The following OTOG variants were observed in gnomAD, a reference collection of about 807,000 sequenced individuals.
OTOG encodes otogelin.
A neutral mutation model predicts 313.8 loss-of-function variants in OTOG; 296 were observed. The ratio of observed to expected loss-of-function variants is 0.94; its 90% CI spans 0.86 to 1.04. OTOG has a LOEUF of 1.04. Among genes scored for constraint, OTOG ranks in the 50% least tolerant of loss-of-function variants. The pLI is 0.00. For missense variants in OTOG, 3,948 were observed against 3,840.1 expected, an observed-to-expected ratio of 1.03 and a Z score of -0.74; for synonymous variants, 1,533 against 1,554.9, an observed-to-expected ratio of 0.99 and a Z score of 0.33.
At chr11:17,565,176 A>G (rs556952925) in intron 15 of OTOG, among the ~76,000 whole-genome samples, 2 of 152,320 alleles carry the variant, frequency 1.3e-5, no homozygotes, top group Non-Finnish European at 2.9e-5. Context: ...ACATATAGTC[A>G]TCATGTCTCC....
intron 33 of OTOG, among the ~76,000 whole-genome samples, chr11:17,606,990 G>A (rs1853405825): frequency 1.3e-5 from 2 of 152,230 alleles, no homozygotes; most frequent in African/African-American, 4.8e-5. Context: ...AGGGCAGAGT[G>A]GCATGAGCCC....
At chr11:17,552,550 C>CT in intron 4 of OTOG, among the ~76,000 whole-genome samples, 1 of 151,470 alleles carries the variant, frequency 6.6e-6, no homozygotes, top group Admixed American at 6.6e-5. Flanking sequence ...TCCTGTGTCC[C>CT]CCACCTGTCC....
In OTOG at chr11:17,634,125, C is replaced by G. The variant is rs573071858; in HGVS notation, c.7324C>G (p.Leu2442Val). Residue 2442 changes from leucine (L) to valine (V), a missense_variant, in exon 44 of 56, where the codon CTC (leucine) becomes GTC (valine). Physicochemically the swap from Leu to Val is conservative, Grantham distance 32. Coordinates refer to ENST00000399397, the MANE Select transcript of OTOG (RefSeq NM_001292063.2). The part of the protein sequence containing the change: ...RALGETWNSS[L>V]SGCCQHQCQA... ...CCTGGGGGAGACCTGGAACAGCTCC[C>G]TCAGCGGCTGCTGCCAGCACCAGTG... The G allele has an allele frequency of 1.1e-4, 167 of 1,549,202 alleles. No homozygotes were observed. In the African/African-American group the frequency reaches 2.1e-3, roughly 19 times the overall value.
At chr11:17,589,034 G>A (rs763764129) in intron 24 of OTOG, among the ~76,000 whole-genome samples, 35 of 152,050 alleles carry the variant, frequency 2.3e-4, no homozygotes, top group Non-Finnish European at 5.1e-4. Flanking sequence ...ACTTCCTTGA[G>A]TTTAGCCCCA....
chr11:17,607,604 C>A (rs1853420510), intron 33 of OTOG, among the ~76,000 whole-genome samples: 1 of 152,220 alleles, frequency 6.6e-6, no homozygotes, highest in African/African-American at 2.4e-5. Flanking sequence ...TTGGGTAGCG[C>A]CCAGTGCTGT....
At chr11:17,597,830 C>T (rs1057492523) in intron 30 of OTOG, among the ~76,000 whole-genome samples, 4 of 152,208 alleles carry the variant, frequency 2.6e-5, no homozygotes, top group Non-Finnish European at 5.9e-5. Flanking sequence ...GTCAGACTGA[C>T]TGAGTTTGGC....
Position 17,625,631 on chromosome 11 carries a change from A to C in OTOG, c.6529-3502A>C, listed in dbSNP as rs530369618. ...AATGTCTATTTCAAATTTTTTGTGC[A>C]TTTTTAAATCAGATTATTAGATTTT... On this transcript the variant is annotated intron_variant, in intron 39 of 55. Transcript: ENST00000399397. Among the ~76,000 whole-genome samples, 110 of 152,218 alleles carry C rather than the reference A, an allele frequency of 7.2e-4. 2 individuals carry two copies. Among genetic ancestry groups the C allele is most frequent in the African/African-American group, 2.4e-3 (100 of 41,546 alleles).
intron 12 of OTOG, among the ~76,000 whole-genome samples, chr11:17,560,480 G>A (rs1424777448): frequency 1.3e-5 from 2 of 152,202 alleles, no homozygotes; most frequent in East Asian, 1.9e-4. Context: ...GCAGGTTGGG[G>A]ATGGGGTTGT....
Position 17,560,775 on chromosome 11 carries a change from T to A in OTOG, c.1409T>A (p.Leu470Gln). The A allele has an allele frequency of 6.4e-7, 1 of 1,550,806 alleles. No homozygotes were observed. The highest frequency in any genetic ancestry group is 8.7e-7 in the Non-Finnish European group (1 of 1,147,022). ...AECPCEFHGT[L>Q]YPPGSVVKED... ...TGTCCCTGTGAGTTTCACGGGACTC[T>A]GTACCCACCTGGCTCTGTGGTGAAG... Residue 470 changes from leucine to glutamine, a missense_variant, in exon 13 of 56, where the codon CTG (leucine) becomes CAG (glutamine). Coordinates refer to ENST00000399397, the MANE Select transcript of OTOG (RefSeq NM_001292063.2).
intron 32 of OTOG, among the ~76,000 whole-genome samples, chr11:17,604,247 A>C (rs1440835769): frequency 6.6e-6 from 1 of 152,252 alleles, no homozygotes; most frequent in Admixed American, 6.5e-5. Context: ...CGGACTCTGC[A>C]TCTCAAGGTC....
chr11:17,622,024 T>C (rs569433893), intron 39 of OTOG, among the ~76,000 whole-genome samples: 14 of 152,278 alleles, frequency 9.2e-5, no homozygotes, highest in South Asian at 6.2e-4. Flanking sequence ...TTCAGGTATG[T>C]ATGTTTACTC....
chr11:17,577,802 TA>T (rs143426360), intron 22 of OTOG, among the ~76,000 whole-genome samples: 1 of 152,148 alleles, frequency 6.6e-6, no homozygotes, highest in African/African-American at 2.4e-5. Context: ...TTAATTTTCC[TA>T]AAAAAGATCA....
chr11:17,576,785 A>C (rs1421995301), intron 21 of OTOG, 83 bp from the exon 22 acceptor site: 68 of 1,512,308 alleles, frequency 4.5e-5, no homozygotes, highest in Admixed American at 9.9e-5. Flanking sequence ...TGAACTCTGC[A>C]GTGACCCGAG....
Position 17,621,727 on chromosome 11 carries a change from C to G in OTOG, c.6529-7406C>G, listed in dbSNP as rs984729066. On this transcript the variant is annotated intron_variant, in intron 39 of 55. Transcript: ENST00000399397. The stretch of plus-strand genomic sequence containing the variant: ...TGGGTTCCTGCTCCCTGCACTGCAG[C>G]CCCTAAACTCTCTAAGTAATAACCT... Among the ~76,000 whole-genome samples the G allele has an allele frequency of 5.3e-5, 8 of 152,194 alleles. 1 individual carries two copies. The highest frequency in any genetic ancestry group is 1.3e-4 in the Admixed American group (2 of 15,280).
chr11:17,604,860 G>A (rs900799761), intron 32 of OTOG, among the ~76,000 whole-genome samples: 1 of 152,260 alleles, frequency 6.6e-6, no homozygotes, highest in Admixed American at 6.5e-5. Flanking sequence ...AGCGAGTCAT[G>A]TGTAAACAGC....
At chr11:17,578,220 C>A (rs1463136967) in intron 22 of OTOG, 153 bp from the exon 23 acceptor site, 10 of 1,382,838 alleles carry the variant, frequency 7.2e-6, no homozygotes, top group Non-Finnish European at 9.3e-6. Flanking sequence ...CTCTGTGAGG[C>A]GTATCTGGGA....
At position 17,645,845 on chromosome 11, in the gene OTOG, C is replaced by A; in HGVS notation, c.8643C>A (p.Gly2881=). 6.4e-7 allele frequency: 1 copy of A among 1,550,938 alleles called. No individual in the cohort carries two copies. The highest frequency in any genetic ancestry group is 2.4e-5 in the East Asian group (1 of 40,916). ...TCTGCAAGTGCTGCCGTGAGGTGGG[C>A]CTGCAGCGGCGCTCTGTGCAGCTCT... is the stretch of plus-strand genomic sequence containing the variant. ...ARFCKCCREV[G]LQRRSVQLFC... is the part of the protein sequence containing the mutation. The change falls in exon 56 of 56, where the codon GGC becomes GGA. Residue 2881 remains glycine (G), a synonymous_variant. Coordinates refer to ENST00000399397, the MANE Select transcript of OTOG (RefSeq NM_001292063.2).
intron 7 of OTOG, among the ~76,000 whole-genome samples, chr11:17,556,614 G>T (rs1852062365): frequency 6.6e-6 from 1 of 152,182 alleles, no homozygotes; most frequent in Non-Finnish European, 1.5e-5. Context: ...GTTGGTAAAT[G>T]GGTCTTGTGG....
rs12281125 is a variant in OTOG at position 17,641,253 on chromosome 11, A to G, written c.8190+162A>G. 0.3 allele frequency among the ~76,000 whole-genome samples: 45,453 copies of G among 152,104 alleles called. 8,827 individuals carry two copies. Among genetic ancestry groups the G allele is most frequent in the African/African-American group, 0.56 (23,151 of 41,476 alleles). On this transcript the variant is annotated intron_variant, in intron 51 of 55. Coordinates refer to ENST00000399397, the MANE Select transcript of OTOG (RefSeq NM_001292063.2). ...TGTAGAAAGTGCCAAGAAAGGGACT[A>G]GGTTGGGAGAGGCCAGAAGGGGAAC...
Sources: allele counts gnomAD v4.1 joint callset (sites outside exome capture counted in the v4.1 genomes callset), GRCh38; gene constraint gnomAD v4.1.1; transcripts MANE v1.5; gene names NCBI Gene and HGNC (gene_info 2026-07-23, HGNC 2026-07-21).